The following ASIC2 variants were observed in gnomAD, a reference collection of about 807,000 sequenced individuals.
ASIC2 encodes acid sensing ion channel subunit 2.
Under a neutral mutation model 57.3 loss-of-function variants are expected in ASIC2, and 25 were observed. The observed-to-expected ratio is 0.44, with a 90% CI of 0.32 to 0.61. ASIC2 has a LOEUF of 0.61. Among genes scored for constraint, ASIC2 ranks in the 20% least tolerant of loss-of-function variants. ASIC2 has a pLI of 0.06. For synonymous variants in ASIC2, 319 were observed against 307.5 expected (o/e 1.04, Z -0.39); for missense variants, 641 against 738.1 (o/e 0.87, Z 1.52).
At chr17:33,228,247 G>C (rs768468439) in intron 1 of ASIC2, among the ~76,000 whole-genome samples, 3 of 152,208 alleles carry the variant, frequency 2.0e-5, no homozygotes, top group Non-Finnish European at 4.4e-5. Context: ...GAACTAGACA[G>C]TGGTGATGGT....
rs571601025 is a variant in ASIC2 at position 34,141,700 on chromosome 17, G to A, written c.555+14278C>T. Among the ~76,000 whole-genome samples the A allele has an allele frequency of 7.2e-5, 11 of 152,310 alleles. No homozygotes were observed. In the South Asian group the frequency reaches 8.3e-4, roughly 11 times the overall value. On this transcript the variant is annotated intron_variant, in intron 1 of 9. Transcript: ENST00000359872. Reference sequence around the variant, plus strand: ...TGGTAGATTCCTGGACATGCTAAGCGTTGGTAAATTCTTGCAGACATAAAA... The same window carrying A: ...TGGTAGATTCCTGGACATGCTAAGCATTGGTAAATTCTTGCAGACATAAAA...
At chr17:33,343,928 T>C (rs950891764) in intron 1 of ASIC2, among the ~76,000 whole-genome samples, 1 of 152,244 alleles carries the variant, frequency 6.6e-6, no homozygotes, top group Non-Finnish European at 1.5e-5. Context: ...TGGACCGCCC[T>C]GTGTCTTGCA....
intron 1 of ASIC2, among the ~76,000 whole-genome samples, chr17:33,934,938 G>A (rs1024808214): frequency 4.6e-5 from 7 of 152,024 alleles, no homozygotes; most frequent in African/African-American, 1.7e-4. Flanking sequence ...ATTCTCCACT[G>A]TGCTGGAAAG....
intron 1 of ASIC2, among the ~76,000 whole-genome samples, chr17:33,365,450 G>A (rs1042279441): frequency 2.6e-5 from 4 of 151,640 alleles, no homozygotes; most frequent in Non-Finnish European, 4.4e-5. Context: ...GGTTATACTT[G>A]CTGAATGGCT....
intron 5 of ASIC2, 30 bp from the exon 6 acceptor site, chr17:33,024,044 C>G: frequency 6.2e-7 from 1 of 1,612,660 alleles, no homozygotes; most frequent in Middle Eastern, 1.7e-4. Flanking sequence ...GGGGCTTAGT[C>G]AGGTGTGGGC....
intron 2 of ASIC2, among the ~76,000 whole-genome samples, chr17:33,092,019 A>G (rs2092159601): frequency 6.6e-6 from 1 of 152,246 alleles, no homozygotes. Flanking sequence ...AGCTATGAGC[A>G]GACTACAGCC....
At chr17:33,601,305 G>T (rs993388009) in intron 1 of ASIC2, among the ~76,000 whole-genome samples, 1 of 152,180 alleles carries the variant, frequency 6.6e-6, no homozygotes, top group Admixed American at 6.5e-5. Context: ...AGGTCTTCCA[G>T]GATGTCCTTT....
At chr17:33,092,695 G>C (rs544388344) in intron 2 of ASIC2, among the ~76,000 whole-genome samples, 410 of 152,330 alleles carry the variant, frequency 2.7e-3, no homozygotes, top group Non-Finnish European at 4.6e-3. Context: ...CAGGTCTCCT[G>C]AGTTCTAATG....
intron 1 of ASIC2, among the ~76,000 whole-genome samples, chr17:34,035,832 G>C (rs1018193618): frequency 1.3e-5 from 2 of 152,108 alleles, no homozygotes; most frequent in South Asian, 4.2e-4. Flanking sequence ...ACCACAATGA[G>C]ATACCATCTC....
At chr17:34,037,803 C>CAG (rs1907949571) in intron 1 of ASIC2, 1 of 1,614,102 alleles carries the variant, frequency 6.2e-7, no homozygotes. Flanking sequence ...GCCTTTGCTT[C>CAG]AGGTGTTACT....
At chr17:33,731,586 A>C (rs1017768244) in intron 1 of ASIC2, among the ~76,000 whole-genome samples, 3 of 152,196 alleles carry the variant, frequency 2.0e-5, no homozygotes, top group Non-Finnish European at 4.4e-5. Flanking sequence ...ATACAGAGAG[A>C]TTGATGGGAG....
intron 1 of ASIC2, among the ~76,000 whole-genome samples, chr17:33,652,725 G>A (rs1446384111): frequency 2.0e-5 from 3 of 152,220 alleles, no homozygotes; most frequent in Admixed American, 6.5e-5. Context: ...GGAGGAGACC[G>A]TTCTTCCTGT....
rs140921657 is a variant in ASIC2, at chr17:33,738,372, C to T, written c.555+417606G>A. On this transcript the variant is annotated intron_variant, in intron 1 of 9. Coordinates refer to the ASIC2 transcript ENST00000359872. ...GACCTTCAGGATCCCCTTTTATTTT[C>T]ATATGCTTCCAAAAGTCAGCACCTG... 9.0e-3 allele frequency among the ~76,000 whole-genome samples: 1,367 copies of T among 152,310 alleles called. 11 individuals are homozygous for T. The highest frequency in any genetic ancestry group is 0.014 in the Middle Eastern group (4 of 294).
intron 1 of ASIC2, among the ~76,000 whole-genome samples, chr17:34,023,959 A>T (rs1487204807): frequency 2.0e-5 from 3 of 152,168 alleles, no homozygotes; most frequent in African/African-American, 7.2e-5. Flanking sequence ...ATCTAATCTC[A>T]TTCAACCCTA....
intron 1 of ASIC2, among the ~76,000 whole-genome samples, chr17:33,652,301 T>C (rs1316605883): frequency 1.3e-5 from 2 of 152,158 alleles, no homozygotes; most frequent in Non-Finnish European, 2.9e-5. Context: ...GCCTGGAGAC[T>C]CTGATTGAAT....
At chr17:33,308,566 G>A (rs958416171) in intron 1 of ASIC2, among the ~76,000 whole-genome samples, 12 of 152,092 alleles carry the variant, frequency 7.9e-5, no homozygotes, top group African/African-American at 2.2e-4. Context: ...TGTTCAGTGC[G>A]TGGAATACTG....
In ASIC2 at chr17:33,768,072, G is replaced by T. The variant is rs549933576; in HGVS notation, c.555+387906C>A. Among the ~76,000 whole-genome samples, 4 of 151,610 alleles carry T rather than the reference G, an allele frequency of 2.6e-5. No homozygotes were observed. In the East Asian group the frequency reaches 7.7e-4, roughly 29 times the overall value. Reference sequence around the variant, plus strand: ...TGCCCAGGCTGGGGTGCAGTGGCGCGATCTCGGCTCACTGCAAGCTCCGCC... The same window carrying T: ...TGCCCAGGCTGGGGTGCAGTGGCGCTATCTCGGCTCACTGCAAGCTCCGCC... On this transcript the variant is annotated intron_variant, in intron 1 of 9. Coordinates refer to the ASIC2 transcript ENST00000359872.
intron 3 of ASIC2, among the ~76,000 whole-genome samples, chr17:33,068,563 A>ACAAAACAAAACAAAC: frequency 6.6e-6 from 1 of 151,572 alleles, no homozygotes; most frequent in East Asian, 1.9e-4. Context: ...ACAAAACAAA[A>ACAAAACAAAACAAAC]CAAACCCAAA....
chr17:33,482,190 AGATTTTTTCCAT>A (rs1913428917), intron 1 of ASIC2, among the ~76,000 whole-genome samples: 1 of 152,190 alleles, frequency 6.6e-6, no homozygotes, highest in South Asian at 2.1e-4. Flanking sequence ...GATGATGTCC[AGATTTTTTCCAT>A]GTGGTTGTTG....
Sources: gnomAD v4.1 joint callset for allele counts (sites outside exome capture counted in the v4.1 genomes callset) on GRCh38, gnomAD v4.1.1 for gene constraint, MANE v1.5 for transcripts, NCBI Gene and HGNC (gene_info 2026-07-23, HGNC 2026-07-21) for gene names.